TAF1: variants seen among roughly 807,000 people sequenced by gnomAD.
The protein encoded by TAF1 is transcription initiation factor TFIID subunit 1.
Under a neutral mutation model 138.5 loss-of-function variants are expected in TAF1, and 2 were observed. The ratio of observed to expected loss-of-function variants is 0.01; its 90% CI spans 0.01 to 0.05. TAF1 has a LOEUF of 0.05. Among genes scored for constraint, TAF1 ranks in the 10% least tolerant of loss-of-function variants. The pLI is 1.00. For missense variants in TAF1, 709 were observed against 1,478.0 expected (o/e 0.48, Z 8.53); for synonymous variants, 437 against 503.2 (o/e 0.87, Z 1.76).
At chrX:71,409,846 C>T (rs2035674632) in intron 28 of TAF1, among the ~76,000 whole-genome samples, 1 of 111,328 alleles carries the variant, frequency 9.0e-6, no homozygotes, top group Non-Finnish European at 1.9e-5. Flanking sequence ...TGCTCTCTTT[C>T]TGGGATGCCT....
intron 8 of TAF1, among the ~76,000 whole-genome samples, chrX:71,381,147 C>T (rs1479642334): frequency 1.8e-5 from 2 of 112,830 alleles, no homozygotes; most frequent in East Asian, 5.5e-4. Flanking sequence ...TGTTAGCATA[C>T]TTTACCATAT....
chrX:71,455,026 A>G lies in TAF1; in HGVS notation c.4938+169A>G, dbSNP rs1165291312. On this transcript the variant is annotated intron_variant, in intron 34 of 37. Transcript: ENST00000423759. ...TCAAAGGCTAAGGTGAGTGAGGGCC[A>G]TGGGTCTTGGTGGCCTTGAATCCAG... 4 of 1,156,714 alleles carry G rather than the reference A, an allele frequency of 3.5e-6. No homozygotes were observed. In the Admixed American group the frequency reaches 1.0e-4, roughly 30 times the overall value.
rs200980162 is a variant in TAF1, at chrX:71,394,241, A to G, written c.3402A>G (p.Leu1134=). The G allele has an allele frequency of 2.6e-4, 308 of 1,201,626 alleles. 2 individuals are homozygous for G. In the South Asian group the frequency reaches 5.2e-3, roughly 20 times the overall value. The change falls in exon 22 of 38, where the codon CTA becomes CTG. Residue 1134 remains leucine, a synonymous_variant. Transcript: ENST00000423759. ...EQERKELQRM[L]LAAGSAASGN... is the part of the protein sequence containing the mutation. ...AGCGGAAGGAACTACAGCGAATGCT[A>G]CTGGGTGAGGATCTTGGCTTCACAG...
intron 3 of TAF1, among the ~76,000 whole-genome samples, chrX:71,373,099 C>G (rs1012807926): frequency 2.7e-5 from 3 of 109,135 alleles, no homozygotes; most frequent in Non-Finnish European, 5.7e-5. Flanking sequence ...ATCTCCTGAC[C>G]TCGTGATCCA....
chrX:71,476,452 A>G (rs113448014), intron 13 of TAF1, among the ~76,000 whole-genome samples: 2 of 109,836 alleles, frequency 1.8e-5, no homozygotes, highest in African/African-American at 6.7e-5. Context: ...CCTGGGCAAC[A>G]TGATGAAACC....
intron 29 of TAF1, 71 bp downstream of exon 29, chrX:71,421,447 T>C: frequency 1.1e-6 from 1 of 939,812 alleles, no homozygotes; most frequent in Admixed American, 2.5e-5. Context: ...GTTTAGGAAG[T>C]AGGGAATTTA....
chrX:71,421,452 A>G, intron 29 of TAF1, 76 bp downstream of exon 29: 1 of 889,612 alleles, frequency 1.1e-6, no homozygotes, highest in Non-Finnish European at 1.6e-6. Context: ...GGAAGTAGGG[A>G]ATTTAACAGA....
At chrX:71,451,931 C>T (rs1402750306) in intron 32 of TAF1, among the ~76,000 whole-genome samples, 2 of 112,944 alleles carry the variant, frequency 1.8e-5, no homozygotes, top group African/African-American at 6.4e-5. Context: ...CCACCTTTCC[C>T]CTTTTTCTAT....
At chrX:71,475,367 C>A (rs2038960194) in intron 13 of TAF1, among the ~76,000 whole-genome samples, 1 of 110,209 alleles carries the variant, frequency 9.1e-6, no homozygotes, top group African/African-American at 3.3e-5. Flanking sequence ...GGGCGGATCA[C>A]GAGATCAGGA....
chrX:71,387,933 C>CA (rs370531040), intron 15 of TAF1, among the ~76,000 whole-genome samples: 340 of 85,250 alleles, frequency 4.0e-3, no homozygotes, highest in African/African-American at 8.3e-3. Context: ...AACTCAGTCT[C>CA]AAAAAAAAAA....
intron 25 of TAF1, among the ~76,000 whole-genome samples, chrX:71,406,116 G>A (rs774112835): frequency 1.8e-5 from 2 of 109,810 alleles, no homozygotes; most frequent in African/African-American, 6.6e-5. Context: ...ATCACTTGAG[G>A]TCAGGAGTTC....
At chrX:71,398,052 AT>A (rs2034951348) in intron 23 of TAF1, among the ~76,000 whole-genome samples, 1 of 111,554 alleles carries the variant, frequency 9.0e-6, no homozygotes, top group Admixed American at 9.6e-5. Context: ...AATCTTAGAG[AT>A]TACTGGCCGG....
At chrX:71,429,307 C>T (rs1295920527) in intron 32 of TAF1, among the ~76,000 whole-genome samples, 1 of 110,272 alleles carries the variant, frequency 9.1e-6, no homozygotes, top group Non-Finnish European at 1.9e-5. Flanking sequence ...AGGGAACTCT[C>T]CTAAGAAGAA....
At chrX:71,455,798 CA>C (rs908079926) in intron 34 of TAF1, among the ~76,000 whole-genome samples, 1 of 112,420 alleles carries the variant, frequency 8.9e-6, no homozygotes, top group Non-Finnish European at 1.9e-5. Flanking sequence ...CCAATTCCCA[CA>C]GGAAAATTTT....
At chrX:71,524,735 A>G (rs550077904) in intron 13 of TAF1, among the ~76,000 whole-genome samples, 58 of 109,312 alleles carry the variant, frequency 5.3e-4, no homozygotes, top group South Asian at 3.6e-3. Context: ...GAGGTCAGGA[A>G]TTCAAGACCA....
intron 36 of TAF1, among the ~76,000 whole-genome samples, chrX:71,460,234 C>CT (rs1003108608): frequency 8.9e-6 from 1 of 111,752 alleles, no homozygotes; most frequent in Non-Finnish European, 1.9e-5. Flanking sequence ...TAGTGAGACT[C>CT]TGTCTCCAAA....
At chrX:71,515,629 A>G (rs865922958) in intron 13 of TAF1, among the ~76,000 whole-genome samples, 1 of 110,992 alleles carries the variant, frequency 9.0e-6, no homozygotes, top group Non-Finnish European at 1.9e-5. Flanking sequence ...TGAAAGTTAC[A>G]CTCAGTATAT....
chrX:71,461,064 G>GT (rs1312950143), intron 37 of TAF1: 17 of 339,300 alleles, frequency 5.0e-5, no homozygotes, highest in Admixed American at 3.6e-4. Context: ...GTAAGACAAA[G>GT]TGCCAAAGCA....
chrX:71,439,340 T>G (rs2037298327), intron 32 of TAF1, among the ~76,000 whole-genome samples: 1 of 111,555 alleles, frequency 9.0e-6, no homozygotes, highest in Non-Finnish European at 1.9e-5. Flanking sequence ...CAACATCCAG[T>G]ATGTCACTAA....
Sources: gnomAD v4.1 joint callset for allele counts (sites outside exome capture counted in the v4.1 genomes callset) on GRCh38, gnomAD v4.1.1 for gene constraint, MANE v1.5 for transcripts, NCBI Gene and HGNC (gene_info 2026-07-23, HGNC 2026-07-21) for gene names.